The following PTPRN2 variants were observed in gnomAD, a reference collection of about 807,000 sequenced individuals.
PTPRN2 encodes receptor-type tyrosine-protein phosphatase N2.
In PTPRN2, 74 loss-of-function variants were observed where a neutral mutation model predicts 118.8. That is an observed-to-expected ratio of 0.62 (90% CI 0.52 to 0.76). The LOEUF (loss-of-function observed/expected upper bound fraction) is 0.76, where lower values mean the gene tolerates loss of function less well. Ranked by LOEUF, PTPRN2 falls within the 30% of genes least tolerant of loss-of-function variation. The pLI is 0.00. For missense variants in PTPRN2, 1,481 were observed against 1,394.4 expected (o/e 1.06, Z -0.99); for synonymous variants, 641 against 608.0 (o/e 1.05, Z -0.80).
chr7:158,553,020 G>A (rs1414907966), intron 1 of PTPRN2, among the ~76,000 whole-genome samples: 1 of 150,058 alleles, frequency 6.7e-6, no homozygotes, highest in Non-Finnish European at 1.5e-5. Context: ...ACACCTGCAG[G>A]TTTGGGAGCC....
At chr7:158,100,911 A>G (rs1182539642) in intron 10 of PTPRN2, among the ~76,000 whole-genome samples, 1 of 152,330 alleles carries the variant, frequency 6.6e-6, no homozygotes, top group East Asian at 1.9e-4. Context: ...ATGCTCATGG[A>G]TGGGTAGAAT....
chr7:158,466,239 T>A lies in PTPRN2; in HGVS notation c.163+23496A>T, dbSNP rs142273959. On this transcript the variant is annotated intron_variant, in intron 2 of 22. Coordinates refer to ENST00000389418, the MANE Select transcript of PTPRN2 (RefSeq NM_002847.5). ...GTTACTACATACAGTCCTCACGCTGTGCATTAGGCCCCTGGGCTCACTCCT... is the reference window on the plus strand; with the variant it reads ...GTTACTACATACAGTCCTCACGCTGAGCATTAGGCCCCTGGGCTCACTCCT... Among the ~76,000 whole-genome samples the A allele has an allele frequency of 5.1e-3, 777 of 152,280 alleles. 12 individuals are homozygous for A. Among genetic ancestry groups the A allele is most frequent in the African/African-American group, 0.018 (747 of 41,556 alleles).
At chr7:157,544,963 G>T (rs1374467995) in intron 22 of PTPRN2, among the ~76,000 whole-genome samples, 2 of 150,164 alleles carry the variant, frequency 1.3e-5, no homozygotes, top group South Asian at 2.1e-4. Context: ...GATGTGTGTG[G>T]GGGTGTGCAC....
rs73746604 is a variant in PTPRN2 at position 157,794,163 on chromosome 7, G to A, written c.1788+104510C>T. Among the ~76,000 whole-genome samples, 117 of 115,958 alleles carry A rather than the reference G, an allele frequency of 1.0e-3. 1 individual carries two copies. Among genetic ancestry groups the A allele is most frequent in the Admixed American group, 2.3e-3 (27 of 11,986 alleles). 76.1% of individuals were successfully genotyped at this position (115,958 alleles called of 152,430 possible). On this transcript the variant is annotated intron_variant, in intron 12 of 22. Coordinates refer to ENST00000389418, the MANE Select transcript of PTPRN2 (RefSeq NM_002847.5). The surrounding 1 kb of genome is among the most constrained non-coding windows in gnomAD (Gnocchi z 5.2). ...TCGTTCTCTGCTCTGACCCGGGCTC[G>A]CACCTCTCCTCGTTCTCTGCCCTGA...
At chr7:158,073,880 G>A (rs1812140396) in intron 11 of PTPRN2, among the ~76,000 whole-genome samples, 1 of 152,220 alleles carries the variant, frequency 6.6e-6, no homozygotes, top group Non-Finnish European at 1.5e-5. Context: ...GGCTCCTCCA[G>A]CAAAACCTGA....
intron 5 of PTPRN2, among the ~76,000 whole-genome samples, chr7:158,175,887 G>A (rs1303759898): frequency 6.6e-6 from 1 of 152,108 alleles, no homozygotes; most frequent in African/African-American, 2.4e-5. Context: ...CTGAAGACTC[G>A]TGACACCATG....
At chr7:157,772,292 C>CACACAGCCATACACACAAAGACAT (rs1554441482) in intron 12 of PTPRN2, among the ~76,000 whole-genome samples, 3 of 151,056 alleles carry the variant, frequency 2.0e-5, no homozygotes, top group Non-Finnish European at 4.4e-5. Flanking sequence ...GACACACAAA[C>CACACAGCCATACACACAAAGACAT]ACACAGACAT....
intron 1 of PTPRN2, among the ~76,000 whole-genome samples, chr7:158,513,242 A>C (rs529897351): frequency 1.3e-5 from 2 of 152,322 alleles, no homozygotes; most frequent in African/African-American, 4.8e-5. Context: ...ACTCAAACAC[A>C]TCAGACAAAT....
intron 11 of PTPRN2, among the ~76,000 whole-genome samples, chr7:158,010,181 AC>A (rs1395682786): frequency 1.3e-5 from 2 of 152,150 alleles, no homozygotes; most frequent in Non-Finnish European, 2.9e-5. Context: ...AAGCCTCAAC[AC>A]GGGAGGACGG....
intron 12 of PTPRN2, among the ~76,000 whole-genome samples, chr7:157,795,174 G>T (rs912616393): frequency 2.2e-5 from 3 of 139,466 alleles, no homozygotes; most frequent in Admixed American, 7.0e-5. Flanking sequence ...GGGCGGGGGG[G>T]GCTCAAGCTA....
rs77784745 is a variant in PTPRN2, at chr7:157,720,709, C to T, written c.1789-37772G>A. Among the ~76,000 whole-genome samples, 962 of 152,320 alleles carry T rather than the reference C, an allele frequency of 6.3e-3. 10 individuals are homozygous for T. The highest frequency in any genetic ancestry group is 0.022 in the African/African-American group (914 of 41,576). On this transcript the variant is annotated intron_variant, in intron 12 of 22. Transcript: ENST00000389418. ...TGGGGAGAAACTCCTTCAAGGATAACGGCAAATGGTGAGCGTGCCTCACTC... is the reference window on the plus strand; with the variant it reads ...TGGGGAGAAACTCCTTCAAGGATAATGGCAAATGGTGAGCGTGCCTCACTC...
chr7:158,071,556 GTGGAGGTGCTCCTGGTGGAGGTGCTCC>G (rs1563391927), intron 11 of PTPRN2, among the ~76,000 whole-genome samples: 9,683 of 48,588 alleles, frequency 0.2, 498 homozygotes, highest in East Asian at 0.33. Flanking sequence ...GCTCCTGGTG[GTGGAGGTGCTCCTGGTGGAGGTGCTCC>G]TGGTGGAGGT....
chr7:157,841,050 G>C (rs1400488186), intron 12 of PTPRN2, among the ~76,000 whole-genome samples: 4 of 152,360 alleles, frequency 2.6e-5, no homozygotes, highest in South Asian at 4.1e-4. Context: ...GCCTTCTGCT[G>C]GAAGTGCCAG....
At chr7:157,661,865 T>C (rs983476325) in intron 13 of PTPRN2, among the ~76,000 whole-genome samples, 5 of 152,298 alleles carry the variant, frequency 3.3e-5, no homozygotes, top group Middle Eastern at 3.4e-3. Flanking sequence ...CTGAAGGCTC[T>C]GGGGGAACCT....
At chr7:158,532,601 A>G in intron 1 of PTPRN2, 1 of 417,694 alleles carries the variant, frequency 2.4e-6, no homozygotes, top group Admixed American at 2.9e-5. Flanking sequence ...AAACATGGGT[A>G]AAAAGTAAGA....
chr7:158,081,268 G>GTGCACACA (rs1241945157), intron 11 of PTPRN2, 30 bp downstream of exon 11: 2 of 1,555,136 alleles, frequency 1.3e-6, no homozygotes, highest in African/African-American at 1.4e-5. Flanking sequence ...ACGTGTGTGT[G>GTGCACACA]CGTGTACGTG....
At chr7:158,271,791 G>A (rs1417146251) in intron 3 of PTPRN2, among the ~76,000 whole-genome samples, 2 of 152,174 alleles carry the variant, frequency 1.3e-5, no homozygotes, top group African/African-American at 2.4e-5. Flanking sequence ...AAGGGGTGAA[G>A]AAGCGTCCTG....
intron 4 of PTPRN2, among the ~76,000 whole-genome samples, chr7:158,193,445 G>T (rs756691380): frequency 6.6e-6 from 1 of 152,180 alleles, no homozygotes; most frequent in Admixed American, 6.5e-5. Context: ...TGGAAAAGTC[G>T]CGGTAACGCC....
At chr7:158,309,651 C>T (rs1461075934) in intron 3 of PTPRN2, among the ~76,000 whole-genome samples, 1 of 152,030 alleles carries the variant, frequency 6.6e-6, no homozygotes, top group Admixed American at 6.6e-5. Context: ...AAATTCTCAA[C>T]GAAACACTAA....
Sources: gnomAD v4.1 joint callset for allele counts (sites outside exome capture counted in the v4.1 genomes callset) on GRCh38, gnomAD v4.1.1 for gene constraint, Gnocchi (gnomAD v3.1) non-coding constraint, MANE v1.5 for transcripts, NCBI Gene and HGNC (gene_info 2026-07-23, HGNC 2026-07-21) for gene names.